NMS: variants seen among roughly 807,000 people sequenced by gnomAD.
NMS encodes the protein neuromedin-S.
In NMS, 30 loss-of-function variants were observed where a neutral mutation model predicts 32.2. That is an observed-to-expected ratio of 0.93 (90% CI 0.70 to 1.26). The LOEUF (loss-of-function observed/expected upper bound fraction) is 1.26, where lower values mean the gene tolerates loss of function less well. Among genes scored for constraint, NMS ranks in the 50% most tolerant of loss-of-function variants. NMS has a pLI of 0.00. For synonymous variants in NMS, 76 were observed against 58.5 expected (o/e 1.30, Z -1.37); for missense variants, 190 against 186.3 (o/e 1.02, Z -0.12).
chr2:100,477,139 C>A, intron 3 of NMS, 105 bp from the exon 4 acceptor site: 1 of 861,878 alleles, frequency 1.2e-6, no homozygotes, highest in South Asian at 1.5e-5. Context: ...TCATAATAGT[C>A]AGGTAAATCC....
At position 100,480,535 on chromosome 2, in the gene NMS, C is replaced by T. The variant is rs201473941; in HGVS notation, c.372+4C>T. On this transcript the variant is annotated splice_donor_region_variant and intron_variant, in intron 7 of 9. Coordinates refer to ENST00000376865, the MANE Select transcript of NMS (RefSeq NM_001011717.1). ...TGCAGTGGACTTCACCAAGAAGGTA[C>T]ACAAGAGCCTTGGAGACTGCGACCC... 7.4e-6 allele frequency: 12 copies of T among 1,612,720 alleles called. No homozygotes were observed. Among genetic ancestry groups the T allele is most frequent in the Non-Finnish European group, 7.6e-6 (9 of 1,179,978 alleles).
intron 3 of NMS, among the ~76,000 whole-genome samples, chr2:100,474,604 T>C (rs775770486): frequency 7.2e-5 from 11 of 152,246 alleles, no homozygotes; most frequent in Non-Finnish European, 1.3e-4. Context: ...GTAATTGTCA[T>C]AGTATCCCAG....
chr2:100,476,719 G>T (rs1489070228), intron 3 of NMS, among the ~76,000 whole-genome samples: 1 of 152,160 alleles, frequency 6.6e-6, no homozygotes, highest in African/African-American at 2.4e-5. Context: ...TCAGATAAGC[G>T]CACATGCAGC....
chr2:100,478,707 ACC>A (rs1372451069), intron 5 of NMS, among the ~76,000 whole-genome samples: 1 of 152,188 alleles, frequency 6.6e-6, no homozygotes, highest in Admixed American at 6.5e-5. Context: ...CAGGTGATCC[ACC>A]CACATTGGCC....
intron 3 of NMS, among the ~76,000 whole-genome samples, chr2:100,475,662 A>C (rs371525485): frequency 2.6e-5 from 4 of 152,290 alleles, no homozygotes; most frequent in South Asian, 4.1e-4. Flanking sequence ...AATGAATAAT[A>C]AACAACATAG....
At chr2:100,478,925 G>T (rs748292333) in intron 5 of NMS, among the ~76,000 whole-genome samples, 2 of 152,196 alleles carry the variant, frequency 1.3e-5, no homozygotes, top group Non-Finnish European at 1.5e-5. Context: ...GGGTACGCAC[G>T]GCAGTCACAG....
At chr2:100,483,150 G>A (rs1420724224) in intron 9 of NMS, 102 bp from the exon 10 acceptor site, 2 of 1,011,942 alleles carry the variant, frequency 2.0e-6, no homozygotes, top group Non-Finnish European at 3.0e-6. Flanking sequence ...TCAAACTGAG[G>A]TCTAATTGTA....
At chr2:100,482,199 A>G in intron 8 of NMS, 78 bp from the exon 9 acceptor site, 1 of 1,403,250 alleles carries the variant, frequency 7.1e-7, no homozygotes, top group Non-Finnish European at 1.0e-6. Context: ...AGGGTTCAAC[A>G]GAGAGAAGAG....
At chr2:100,470,671 C>A (rs1676991704) in intron 1 of NMS, 107 bp downstream of exon 1, 3 of 856,828 alleles carry the variant, frequency 3.5e-6, no homozygotes, top group Non-Finnish European at 5.9e-6. Context: ...TTATTCTCCC[C>A]CGCCAGACCT....
chr2:100,479,364 G>T lies in NMS; in HGVS notation c.273G>T (p.Val91=). ...CCTGTCTGTTGCAGTTTCCTCCAGT[G>T]CATCCTCTAATGCACCTGGCTGCCA... The part of the protein sequence containing the change: ...THPVKTGFPP[V]HPLMHLAAKL... Residue 91 remains valine, a synonymous_variant, in exon 6 of 10, where the codon GTG becomes GTT. Coordinates refer to ENST00000376865, the MANE Select transcript of NMS (RefSeq NM_001011717.1). 6.2e-7 allele frequency: 1 copy of T among 1,608,994 alleles called. No individual in the cohort carries two copies. Among genetic ancestry groups the T allele is most frequent in the Non-Finnish European group, 8.5e-7 (1 of 1,177,636 alleles).
chr2:100,478,376 C>T (rs1253121044), intron 5 of NMS, among the ~76,000 whole-genome samples: 2 of 152,188 alleles, frequency 1.3e-5, no homozygotes, highest in Admixed American at 1.3e-4. Context: ...CTTAAAAAAG[C>T]AAATAACCAG....
At chr2:100,480,347 C>T (rs1677192978) in intron 6 of NMS, 149 bp from the exon 7 acceptor site, 12 of 737,946 alleles carry the variant, frequency 1.6e-5, no homozygotes, top group Non-Finnish European at 2.7e-5. Flanking sequence ...GGCAGTGATC[C>T]CACCATTTGC....
At position 100,477,195 on chromosome 2, in the gene NMS, C is replaced by T. The variant is rs1327545473; in HGVS notation, c.184-49C>T. 5.9e-6 allele frequency: 9 copies of T among 1,532,882 alleles called. No homozygotes were observed. The African/African-American group carries it at 6.8e-5, about 12-fold the overall frequency. 95.0% of individuals were successfully genotyped at this position (1,532,882 alleles called of 1,614,324 possible). Reference sequence around the variant, plus strand: ...TTATACAGAAAACGTTATCCGTTACCTGCCCCTGTAAAATTTCATCTAACT... The same window carrying T: ...TTATACAGAAAACGTTATCCGTTACTTGCCCCTGTAAAATTTCATCTAACT... On this transcript the variant is annotated intron_variant, in intron 3 of 9. Transcript: ENST00000376865.
chr2:100,478,117 A>G (rs1224616678), intron 5 of NMS, among the ~76,000 whole-genome samples: 1 of 152,130 alleles, frequency 6.6e-6, no homozygotes, highest in East Asian at 1.9e-4. Context: ...ATGCGCCACC[A>G]TGCCTGGCTA....
intron 5 of NMS, among the ~76,000 whole-genome samples, chr2:100,479,125 G>C (rs1253796307): frequency 1.3e-5 from 2 of 152,162 alleles, no homozygotes; most frequent in Admixed American, 1.3e-4. Flanking sequence ...TTACCCTAAG[G>C]GAATATTTTT....
intron 9 of NMS, 29 bp downstream of exon 9, chr2:100,482,340 C>T (rs751187631): frequency 1.9e-6 from 3 of 1,609,642 alleles, no homozygotes; most frequent in Non-Finnish European, 2.6e-6. Flanking sequence ...GCTTCATCAC[C>T]CTTTTTCTCT....
chr2:100,479,092 G>A (rs1009833955), intron 5 of NMS, among the ~76,000 whole-genome samples: 1 of 152,176 alleles, frequency 6.6e-6, no homozygotes, highest in Non-Finnish European at 1.5e-5. Context: ...AGTGCTGAGG[G>A]TTAATGCAGA....
At chr2:100,472,459 C>G (rs1677022265) in intron 1 of NMS, among the ~76,000 whole-genome samples, 1 of 152,222 alleles carries the variant, frequency 6.6e-6, no homozygotes, top group African/African-American at 2.4e-5. Context: ...TGAATTCTAT[C>G]AAAATACAAA....
In NMS at chr2:100,477,480, C is replaced by T. The variant is rs1677134548; in HGVS notation, c.261+66C>T. The T allele has an allele frequency of 2.6e-5, 32 of 1,209,732 alleles. No individual in the cohort carries two copies. In the South Asian group the frequency reaches 4.0e-4, roughly 15 times the overall value. 74.9% of individuals were successfully genotyped at this position (1,209,732 alleles called of 1,614,324 possible). On this transcript the variant is annotated intron_variant, in intron 5 of 9. Transcript: ENST00000376865. ...CTCCTCTGCATGTCGTCCATCCTTT[C>T]TTAATATGTGCAGACAAGTAGAAAA... is the stretch of plus-strand genomic sequence containing the variant.
Sources: gnomAD v4.1 joint callset for allele counts (sites outside exome capture counted in the v4.1 genomes callset) on GRCh38, gnomAD v4.1.1 for gene constraint, MANE v1.5 for transcripts, NCBI Gene and HGNC (gene_info 2026-07-23, HGNC 2026-07-21) for gene names.